Variants in CTIF observed in about 807,000 individuals in gnomAD.
CTIF encodes cap binding complex dependent translation initiation factor.
In CTIF, 21 loss-of-function variants were observed where a neutral mutation model predicts 66.0. The observed-to-expected ratio is 0.32, with a 90% CI of 0.23 to 0.46. The LOEUF is 0.46. Among genes scored for constraint, CTIF ranks in the 20% least tolerant of loss-of-function variants. The pLI is 1.00. For synonymous variants in CTIF, 345 were observed against 326.4 expected (o/e 1.06, Z -0.62); for missense variants, 739 against 812.7 (o/e 0.91, Z 1.10).
intron 7 of CTIF, among the ~76,000 whole-genome samples, chr18:48,735,668 C>G (rs2092494910): frequency 6.6e-6 from 1 of 152,166 alleles, no homozygotes; most frequent in Non-Finnish European, 1.5e-5. Flanking sequence ...TCTTGAGTCC[C>G]AGAGCCCAGT....
intron 3 of CTIF, among the ~76,000 whole-genome samples, chr18:48,648,164 GC>G (rs1213648097): frequency 1.3e-5 from 2 of 152,154 alleles, no homozygotes; most frequent in Non-Finnish European, 2.9e-5. Context: ...CTGAGAGTGG[GC>G]AGAGGGTTGG....
At chr18:48,632,246 G>A (rs1366275919) in intron 2 of CTIF, among the ~76,000 whole-genome samples, 1 of 152,180 alleles carries the variant, frequency 6.6e-6, no homozygotes, top group Admixed American at 6.5e-5. Context: ...GGTTTGAGAT[G>A]GAGCCCCACA....
At chr18:48,595,453 G>A (rs537345659) in intron 1 of CTIF, among the ~76,000 whole-genome samples, 9 of 152,140 alleles carry the variant, frequency 5.9e-5, no homozygotes, top group Non-Finnish European at 8.8e-5. Context: ...GAGAGACAGG[G>A]TCTCAGTCTG....
At chr18:48,704,854 C>T (rs550272213) in intron 6 of CTIF, among the ~76,000 whole-genome samples, 1 of 152,344 alleles carries the variant, frequency 6.6e-6, no homozygotes, top group African/African-American at 2.4e-5. Flanking sequence ...CAACCCATGA[C>T]ATCATCCAGA....
intron 6 of CTIF, 94 bp from the exon 7 acceptor site, chr18:48,711,525 G>A: frequency 1.1e-6 from 1 of 941,860 alleles, no homozygotes; most frequent in Middle Eastern, 2.2e-4. Context: ...ATGTCTTTCT[G>A]TCTTAGATGC....
At chr18:48,590,111 C>T (rs2089857600) in intron 1 of CTIF, among the ~76,000 whole-genome samples, 1 of 152,238 alleles carries the variant, frequency 6.6e-6, no homozygotes. Context: ...ATCAGCATTT[C>T]AGGGGTGCGG....
At chr18:48,754,323 C>T (rs887619459) in intron 7 of CTIF, among the ~76,000 whole-genome samples, 3 of 152,230 alleles carry the variant, frequency 2.0e-5, no homozygotes, top group Admixed American at 6.5e-5. Flanking sequence ...TAGCTCACTC[C>T]TGGAGCCCCT....
rs142491410 is a variant in CTIF at position 48,634,310 on chromosome 18, G to A, written c.181-2304G>A. Among the ~76,000 whole-genome samples, 729 of 152,318 alleles carry A rather than the reference G, an allele frequency of 4.8e-3. 10 individuals are homozygous for A. The highest frequency in any genetic ancestry group is 0.017 in the African/African-American group (694 of 41,572). ...TATTAACCTTGATCACTTGGCTAAAGTGGCATCTGATGGTTTCTCATTTTT... is the reference window on the plus strand; with the variant it reads ...TATTAACCTTGATCACTTGGCTAAAATGGCATCTGATGGTTTCTCATTTTT... On this transcript the variant is annotated intron_variant, in intron 2 of 11. Coordinates refer to ENST00000256413, the MANE Select transcript of CTIF (RefSeq NM_014772.3).
At chr18:48,597,672 G>T (rs189841794) in intron 1 of CTIF, among the ~76,000 whole-genome samples, 1 of 151,918 alleles carries the variant, frequency 6.6e-6, no homozygotes, top group Non-Finnish European at 1.5e-5. Flanking sequence ...CCAAGTAGAT[G>T]CTGGTGCAAT....
chr18:48,752,703 A>T (rs1160495071), intron 7 of CTIF, among the ~76,000 whole-genome samples: 1 of 152,160 alleles, frequency 6.6e-6, no homozygotes, highest in East Asian at 1.9e-4. Context: ...GCACAGTGCC[A>T]GGCTCTGTGC....
chr18:48,670,520 T>G, intron 5 of CTIF, 149 bp from the exon 6 acceptor site: 1 of 652,702 alleles, frequency 1.5e-6, no homozygotes, highest in East Asian at 2.7e-5. Context: ...TCTCTAGGGC[T>G]GTTTCCTCTA....
At chr18:48,642,334 G>A (rs1337131969) in intron 3 of CTIF, among the ~76,000 whole-genome samples, 1 of 152,216 alleles carries the variant, frequency 6.6e-6, no homozygotes, top group Non-Finnish European at 1.5e-5. Flanking sequence ...CTGTGGGTAG[G>A]GAGGTGTCTT....
intron 1 of CTIF, among the ~76,000 whole-genome samples, chr18:48,611,880 G>A (rs1214445154): frequency 6.6e-6 from 1 of 152,178 alleles, no homozygotes; most frequent in Admixed American, 6.5e-5. Flanking sequence ...GCTGAGACCT[G>A]CAGTTTGAAC....
At chr18:48,772,320 A>C (rs1446217083) in intron 9 of CTIF, among the ~76,000 whole-genome samples, 1 of 152,104 alleles carries the variant, frequency 6.6e-6, no homozygotes, top group African/African-American at 2.4e-5. Context: ...TATTGCAGTA[A>C]AATATACCAT....
chr18:48,636,388 G>A (rs982781573), intron 2 of CTIF, among the ~76,000 whole-genome samples: 2 of 152,238 alleles, frequency 1.3e-5, no homozygotes, highest in African/African-American at 4.8e-5. Flanking sequence ...CAGGTGAAGG[G>A]AAGTGAGTTT....
chr18:48,652,380 C>G lies in CTIF; in HGVS notation c.253-11372C>G, dbSNP rs556120769. On this transcript the variant is annotated intron_variant, in intron 3 of 11. Coordinates refer to ENST00000256413, the MANE Select transcript of CTIF (RefSeq NM_014772.3). The stretch of plus-strand genomic sequence containing the variant: ...CCTCTACACAAATAAACTAGAAAAT[C>G]TAGAAGAAATGGATAAATTCCTGGA... 2.6e-5 allele frequency among the ~76,000 whole-genome samples: 4 copies of G among 152,326 alleles called. No individual in the cohort carries two copies. In the South Asian group the frequency reaches 8.3e-4, roughly 32 times the overall value.
intron 6 of CTIF, among the ~76,000 whole-genome samples, chr18:48,685,974 G>A (rs747147601): frequency 7.2e-5 from 11 of 152,122 alleles, no homozygotes; most frequent in Non-Finnish European, 1.6e-4. Context: ...ACTGTGCCCC[G>A]GCCCCAAGTT....
At chr18:48,663,654 G>A in intron 3 of CTIF, 98 bp from the exon 4 acceptor site, 2 of 1,083,720 alleles carry the variant, frequency 1.8e-6, no homozygotes. Context: ...TCACTTGGGG[G>A]CTCACTCCAG....
intron 1 of CTIF, among the ~76,000 whole-genome samples, chr18:48,614,714 A>G (rs1165595199): frequency 2.0e-5 from 3 of 152,206 alleles, no homozygotes; most frequent in South Asian, 2.1e-4. Context: ...TTTAGTGGGC[A>G]CAGAGTTTCT....
Sources: gnomAD v4.1 joint callset for allele counts (sites outside exome capture counted in the v4.1 genomes callset) on GRCh38, gnomAD v4.1.1 for gene constraint, MANE v1.5 for transcripts, NCBI Gene and HGNC (gene_info 2026-07-23, HGNC 2026-07-21) for gene names.